Variants in VCAN observed in about 807,000 individuals in gnomAD.
The protein encoded by VCAN is versican core protein.
VCAN carries 44 observed loss-of-function variants against 245.5 expected under a neutral mutation model. The ratio of observed to expected loss-of-function variants is 0.18; its 90% CI spans 0.14 to 0.23. The LOEUF (loss-of-function observed/expected upper bound fraction) is 0.23, where lower values mean the gene tolerates loss of function less well. VCAN is among the 10% of genes least tolerant of loss of function. VCAN has a pLI of 1.00. For missense variants in VCAN, 3,793 were observed against 4,057.9 expected (o/e 0.93, Z 1.77); for synonymous variants, 1,413 against 1,437.0 (o/e 0.98, Z 0.38).
intron 13 of VCAN, among the ~76,000 whole-genome samples, chr5:83,573,155 C>T (rs894609033): frequency 2.0e-5 from 3 of 152,136 alleles, no homozygotes; most frequent in Non-Finnish European, 4.4e-5. Context: ...GCCTCAGCCT[C>T]CCAAAGTGCT....
In VCAN at chr5:83,545,565, C is replaced by T; in HGVS notation, c.9294C>T (p.Cys3098=). The T allele has an allele frequency of 6.2e-7, 1 of 1,614,060 alleles. No homozygotes were observed. Among genetic ancestry groups the T allele is most frequent in the Non-Finnish European group, 8.5e-7 (1 of 1,179,978 alleles). The change falls in exon 9 of 15, where the codon TGC becomes TGT. Residue 3098 remains cysteine (C), a synonymous_variant. Transcript: ENST00000265077. ...PGPDRCKMNP[C]LNGGTCYPTE... ...CTGATCGCTGCAAAATGAACCCGTG[C>T]CTTAACGGAGGCACCTGTTATCCTA...
chr5:83,479,134 A>G (rs372206935), intron 1 of VCAN, among the ~76,000 whole-genome samples: 5 of 152,138 alleles, frequency 3.3e-5, no homozygotes, highest in African/African-American at 1.2e-4. Flanking sequence ...TCTTTCTGTG[A>G]GAAAGAACCA....
In VCAN at chr5:83,533,782, A is replaced by G. The variant is rs570155988; in HGVS notation, c.4004-3225A>G. 8.5e-5 allele frequency among the ~76,000 whole-genome samples: 13 copies of G among 152,256 alleles called. No homozygotes were observed. In the South Asian group the frequency reaches 2.5e-3, roughly 29 times the overall value. On this transcript the variant is annotated intron_variant, in intron 7 of 14. Coordinates refer to ENST00000265077, the MANE Select transcript of VCAN (RefSeq NM_004385.5). ...GAGAAATTCTGATATGATAGTCTAAAATGGCAAGGAAGTCCTTATAGATCT... is the reference window on the plus strand; with the variant it reads ...GAGAAATTCTGATATGATAGTCTAAGATGGCAAGGAAGTCCTTATAGATCT...
intron 9 of VCAN, among the ~76,000 whole-genome samples, chr5:83,546,460 A>T (rs1747224273): frequency 6.6e-6 from 1 of 152,022 alleles, no homozygotes. Context: ...AAGAGTACTT[A>T]AAAAAAGTCA....
intron 5 of VCAN, among the ~76,000 whole-genome samples, chr5:83,507,025 C>T (rs991858431): frequency 2.0e-5 from 3 of 152,184 alleles, no homozygotes; most frequent in African/African-American, 7.2e-5. Flanking sequence ...AGATACAATT[C>T]AAGCTGAGAT....
chr5:83,518,725 A>G (rs1207681724), intron 6 of VCAN, among the ~76,000 whole-genome samples: 1 of 152,240 alleles, frequency 6.6e-6, no homozygotes, highest in Non-Finnish European at 1.5e-5. Context: ...GATCAAGTGA[A>G]GAGTGGTATT....
intron 12 of VCAN, among the ~76,000 whole-genome samples, chr5:83,557,947 T>C (rs1423388612): frequency 6.6e-6 from 1 of 152,104 alleles, no homozygotes. Flanking sequence ...CAGAAAAAAC[T>C]CTGACAGACC....
At chr5:83,529,889 T>A (rs1746451542) in intron 7 of VCAN, among the ~76,000 whole-genome samples, 1 of 152,148 alleles carries the variant, frequency 6.6e-6, no homozygotes, top group African/African-American at 2.4e-5. Context: ...TTATTTCATT[T>A]CCAACTTCTA....
chr5:83,567,377 T>G (rs754770340), intron 12 of VCAN, among the ~76,000 whole-genome samples: 1 of 152,158 alleles, frequency 6.6e-6, no homozygotes, highest in African/African-American at 2.4e-5. Context: ...CTTGGCTCAC[T>G]GCAACCTCCA....
chr5:83,481,266 A>T (rs1388143658), intron 1 of VCAN, among the ~76,000 whole-genome samples: 1 of 143,368 alleles, frequency 7.0e-6, no homozygotes, highest in Non-Finnish European at 1.5e-5. Context: ...TTTTTTTGAG[A>T]CGGAGTCTCG....
chr5:83,510,717 A>G (rs545144945), intron 5 of VCAN, among the ~76,000 whole-genome samples: 2 of 152,134 alleles, frequency 1.3e-5, no homozygotes, highest in African/African-American at 2.4e-5. Flanking sequence ...AACTTAACAA[A>G]CTCTGAAGTT....
intron 7 of VCAN, 195 bp from the exon 8 acceptor site, chr5:83,536,812 T>G: frequency 2.0e-6 from 1 of 499,646 alleles, no homozygotes; most frequent in Non-Finnish European, 3.5e-6. Flanking sequence ...TAAATTGAAT[T>G]CATTTTTCTT....
chr5:83,474,451 G>A (rs113370596), intron 1 of VCAN, among the ~76,000 whole-genome samples: 54 of 152,302 alleles, frequency 3.5e-4, no homozygotes, highest in African/African-American at 1.3e-3. Flanking sequence ...TGGAAGGGTG[G>A]GAAAGAACTA....
At chr5:83,551,662 T>G (rs1747475949) in intron 10 of VCAN, among the ~76,000 whole-genome samples, 1 of 152,208 alleles carries the variant, frequency 6.6e-6, no homozygotes, top group Admixed American at 6.5e-5. Flanking sequence ...TCATGTATCT[T>G]AAATTAATGT....
chr5:83,572,893 AT>A (rs1251885759), intron 13 of VCAN, among the ~76,000 whole-genome samples: 105 of 147,680 alleles, frequency 7.1e-4, no homozygotes, highest in South Asian at 5.5e-3. Flanking sequence ...TTATTTATTT[AT>A]TTATTTATTA....
chr5:83,580,030 A>G lies in VCAN; in HGVS notation c.9931A>G (p.Met3311Val). The change falls in exon 14 of 15, where the codon ATG becomes GTG. Residue 3311 changes from methionine (M) to valine (V), a missense_variant. Met to Val is a conservative substitution (Grantham distance 21). This residue lies in a region of VCAN where 205 missense variants were observed against 321.1 expected (regional missense o/e 0.64). Transcript: ENST00000265077. ...AGAAAATGCCAAGACCTTTGGAAAGATGAAACCTCGTTATGAAATCAACTC... is the reference window on the plus strand; with the variant it reads ...AGAAAATGCCAAGACCTTTGGAAAGGTGAAACCTCGTTATGAAATCAACTC... ...VVENAKTFGKMKPRYEINSLI... is the reference protein window; with the variant it reads ...VVENAKTFGKVKPRYEINSLI... The G allele has an allele frequency of 6.2e-7, 1 of 1,614,152 alleles. No individual in the cohort carries two copies. Among genetic ancestry groups the G allele is most frequent in the Non-Finnish European group, 8.5e-7 (1 of 1,179,992 alleles).
chr5:83,499,734 T>G (rs1337430359), intron 5 of VCAN, among the ~76,000 whole-genome samples: 2 of 152,152 alleles, frequency 1.3e-5, no homozygotes, highest in African/African-American at 4.8e-5. Context: ...CTGGGATTGC[T>G]TTTCTTGTAT....
intron 6 of VCAN, among the ~76,000 whole-genome samples, chr5:83,518,895 G>T (rs1745962920): frequency 6.6e-6 from 1 of 152,102 alleles, no homozygotes; most frequent in African/African-American, 2.4e-5. Flanking sequence ...GAAAAGAAGG[G>T]AGCATGTGGA....
At chr5:83,545,791 G>A (rs369034956) in intron 9 of VCAN, 141 bp downstream of exon 9, 1 of 769,912 alleles carries the variant, frequency 1.3e-6, no homozygotes, top group South Asian at 1.5e-5. Context: ...TAAAATCTGA[G>A]GGTAATTAAC....
Sources: gnomAD v4.1 joint callset for allele counts (sites outside exome capture counted in the v4.1 genomes callset) on GRCh38, gnomAD v4.1.1 for gene constraint, gnomAD v4.1.1 regional missense constraint, MANE v1.5 for transcripts, NCBI Gene and HGNC (gene_info 2026-07-23, HGNC 2026-07-21) for gene names.